The following SOCS2 variants were observed in gnomAD, a reference collection of about 807,000 sequenced individuals.
SOCS2 encodes suppressor of cytokine signaling 2.
A neutral mutation model predicts 18.6 loss-of-function variants in SOCS2; 10 were observed. That is an observed-to-expected ratio of 0.54 (90% CI 0.33 to 0.91). SOCS2 has a LOEUF of 0.91. Among genes scored for constraint, SOCS2 ranks in the 40% least tolerant of loss-of-function variants. The probability of loss-of-function intolerance (pLI) is 0.02; values close to 1 mark genes in which losing one functional copy is unlikely to be tolerated. For synonymous variants in SOCS2, 104 were observed against 104.0 expected, an observed-to-expected ratio of 1.00 and a Z score of 0.00; for missense variants, 231 against 247.2, an observed-to-expected ratio of 0.93 and a Z score of 0.44.
chr12:93,603,204 G>A, the SOCS2 span, among the ~76,000 whole-genome samples: 47,293 of 152,030 alleles, frequency 0.31, 7,842 homozygotes, highest in African/African-American at 0.44. Flanking sequence ...TTCACAGACC[G>A]TCCTGTGGCA....
the SOCS2 span, among the ~76,000 whole-genome samples, chr12:93,614,362 CTTCT>C: frequency 0.14 from 11,240 of 79,632 alleles, 1,213 homozygotes; most frequent in Non-Finnish European, 0.16. Flanking sequence ...AGCAATTTTC[CTTCT>C]TTCTTTCTTT....
rs753469901 is a variant in SOCS2, at chr12:93,575,439, G to T, written c.*260G>T. 9.4e-6 allele frequency: 2 copies of T among 212,694 alleles called. No homozygotes were observed. Among genetic ancestry groups the T allele is most frequent in the Non-Finnish European group, 1.9e-5 (2 of 106,452 alleles). 13.2% of individuals were successfully genotyped at this position (212,694 alleles called of 1,614,324 possible). On this transcript the variant is annotated 3_prime_UTR_variant, in exon 2 of 2. Coordinates refer to ENST00000551556, the MANE Select transcript of SOCS2 (RefSeq NM_001270471.2). Reference sequence around the variant, plus strand: ...CCTTTTAGATTAAAAATAAAATGTCGCATGTAAAGGCTGAAGTCGCGTTTT... The same window carrying T: ...CCTTTTAGATTAAAAATAAAATGTCTCATGTAAAGGCTGAAGTCGCGTTTT...
At chr12:93,606,928 C>T in the SOCS2 span, among the ~76,000 whole-genome samples, 4 of 152,228 alleles carry the variant, frequency 2.6e-5, no homozygotes, top group Non-Finnish European at 5.9e-5. Context: ...GCTGACCTTA[C>T]AGGCGTGAGC....
chr12:93,625,812 A>G, the SOCS2 span, among the ~76,000 whole-genome samples: 1 of 152,056 alleles, frequency 6.6e-6, no homozygotes, highest in South Asian at 2.1e-4. Context: ...CTATTTTGTA[A>G]AAGGGAAACT....
At chr12:93,598,563 G>A in the SOCS2 span, among the ~76,000 whole-genome samples, 1 of 152,178 alleles carries the variant, frequency 6.6e-6, no homozygotes, top group Non-Finnish European at 1.5e-5. Flanking sequence ...CTTCTATTAA[G>A]ATAGAAAGAC....
At chr12:93,609,316 CGG>C in the SOCS2 span, among the ~76,000 whole-genome samples, 1 of 151,868 alleles carries the variant, frequency 6.6e-6, no homozygotes, top group Non-Finnish European at 1.5e-5. Flanking sequence ...TGCTTGAACC[CGG>C]GAGACAGAGG....
At chr12:93,573,087 G>C in intron 1 of SOCS2, 51 bp downstream of exon 1, 1 of 1,540,134 alleles carries the variant, frequency 6.5e-7, no homozygotes, top group Non-Finnish European at 8.7e-7. Flanking sequence ...CCTCCCCAAG[G>C]AAGCAGCTAG....
the SOCS2 span, among the ~76,000 whole-genome samples, chr12:93,625,474 G>A: frequency 5.3e-5 from 8 of 152,204 alleles, no homozygotes; most frequent in Non-Finnish European, 1.0e-4. Context: ...AGGGCCGGGC[G>A]CGGTGGCTCA....
At chr12:93,618,132 TGGC>T in the SOCS2 span, among the ~76,000 whole-genome samples, 1 of 152,154 alleles carries the variant, frequency 6.6e-6, no homozygotes, top group African/African-American at 2.4e-5. Flanking sequence ...CCGCCTGCTC[TGGC>T]CATGTAAGAT....
the SOCS2 span, among the ~76,000 whole-genome samples, chr12:93,593,770 C>T: frequency 6.6e-6 from 1 of 152,134 alleles, no homozygotes; most frequent in Non-Finnish European, 1.5e-5. Context: ...AGAATAAGAT[C>T]TGGGTGTCAG....
downstream of SOCS2, among the ~76,000 whole-genome samples, chr12:93,587,482 C>T (rs1954591551): frequency 6.6e-6 from 1 of 152,002 alleles, no homozygotes; most frequent in Non-Finnish European, 1.5e-5. Flanking sequence ...GAGATCGAGA[C>T]CATCCTGGCT....
the SOCS2 span, among the ~76,000 whole-genome samples, chr12:93,614,553 T>TTCTTTCTTTCTTTCTCTCTC: frequency 3.0e-5 from 1 of 33,528 alleles, no homozygotes; most frequent in South Asian, 1.0e-3. Flanking sequence ...CTTTCTTTCT[T>TTCTTTCTTTCTTTCTCTCTC]TCTTTCTTTC....
the SOCS2 span, among the ~76,000 whole-genome samples, chr12:93,618,392 C>T: frequency 6.6e-6 from 1 of 152,156 alleles, no homozygotes; most frequent in East Asian, 1.9e-4. Flanking sequence ...TCCTTTCCCC[C>T]AGGCCTCCCA....
At chr12:93,600,877 C>G in the SOCS2 span, among the ~76,000 whole-genome samples, 14,236 of 151,554 alleles carry the variant, frequency 0.094, 875 homozygotes, top group Middle Eastern at 0.19. Context: ...ACGACTTAAC[C>G]TCCTGGGCTC....
the SOCS2 span, among the ~76,000 whole-genome samples, chr12:93,600,170 G>A: frequency 6.6e-6 from 1 of 152,074 alleles, no homozygotes; most frequent in East Asian, 1.9e-4. Context: ...TAAAGGTATA[G>A]ATTTAAAAAA....
At chr12:93,614,478 C>CTTTCTTT in the SOCS2 span, among the ~76,000 whole-genome samples, 8 of 49,436 alleles carry the variant, frequency 1.6e-4, no homozygotes, top group East Asian at 2.4e-3. Flanking sequence ...TTCCTTCCTT[C>CTTTCTTT]CTTTCCTTCC....
chr12:93,608,860 A>G, the SOCS2 span, among the ~76,000 whole-genome samples: 1 of 152,204 alleles, frequency 6.6e-6, no homozygotes. Flanking sequence ...CAAAATACTC[A>G]GCTTAATTGG....
chr12:93,625,298 G>A, the SOCS2 span, among the ~76,000 whole-genome samples: 2 of 152,070 alleles, frequency 1.3e-5, no homozygotes, highest in Admixed American at 6.6e-5. Context: ...TCTATTTACC[G>A]TCATAGTATA....
chr12:93,598,229 G>A, the SOCS2 span, among the ~76,000 whole-genome samples: 5 of 152,148 alleles, frequency 3.3e-5, no homozygotes, highest in Admixed American at 6.6e-5. Flanking sequence ...ATGCCTTAAC[G>A]TAAGGATGAG....
Sources: allele counts gnomAD v4.1 joint callset (sites outside exome capture counted in the v4.1 genomes callset), GRCh38; gene constraint gnomAD v4.1.1; transcripts MANE v1.5; gene names NCBI Gene and HGNC (gene_info 2026-07-23, HGNC 2026-07-21).